Variants in QRICH1 observed in about 807,000 individuals in gnomAD.
The protein encoded by QRICH1 is glutamine rich 1.
A neutral mutation model predicts 87.1 loss-of-function variants in QRICH1; 16 were observed. That is an observed-to-expected ratio of 0.18 (90% confidence interval 0.12 to 0.28). QRICH1 has a LOEUF of 0.28. Among genes scored for constraint, QRICH1 ranks in the 10% least tolerant of loss-of-function variants. The probability of loss-of-function intolerance (pLI) is 1.00; values close to 1 mark genes in which losing one functional copy is unlikely to be tolerated. For synonymous variants in QRICH1, 367 were observed against 368.4 expected (o/e 1.00, Z 0.05); for missense variants, 647 against 951.7 (o/e 0.68, Z 4.21).
At chr3:49,063,718 G>A (rs1274673573) in intron 2 of QRICH1, among the ~76,000 whole-genome samples, 2 of 152,222 alleles carry the variant, frequency 1.3e-5, no homozygotes, top group African/African-American at 2.4e-5. Context: ...GAGCCCAGGA[G>A]ATTGAGGCTG....
chr3:49,087,818 CAAA>C lies in QRICH1; in HGVS notation c.-22+6091_-22+6093del, dbSNP rs58022360. Among the ~76,000 whole-genome samples, 22 of 47,682 alleles carry C rather than the reference CAAA, an allele frequency of 4.6e-4. No homozygotes were observed. In the East Asian group the frequency reaches 6.1e-3, roughly 13 times the overall value. The allele number at this position is 47,682 out of a possible 152,430, so 31.3% of individuals were successfully genotyped here. On this transcript the variant is annotated intron_variant, in intron 1 of 9. Coordinates refer to ENST00000395443, the MANE Select transcript of QRICH1 (RefSeq NM_198880.3). ...GAACTCAGGAGGCGGAGGTTCATCT[CAAA>C]AAAAAAAAAAAAAAAAAAGAACAAT...
intron 1 of QRICH1, chr3:49,093,444 G>T (rs760493149): frequency 4.6e-5 from 7 of 152,078 alleles, no homozygotes; most frequent in Non-Finnish European, 1.0e-4. Flanking sequence ...AGCCGCGGCC[G>T]GCCCTCTGCT....
chr3:49,075,487 C>T (rs758967039), intron 2 of QRICH1, among the ~76,000 whole-genome samples: 15 of 152,134 alleles, frequency 9.9e-5, no homozygotes, highest in Non-Finnish European at 1.9e-4. Flanking sequence ...AAAAATTAGC[C>T]GGGCGTGGTA....
intron 2 of QRICH1, among the ~76,000 whole-genome samples, chr3:49,073,233 T>C (rs1257360728): frequency 6.6e-6 from 1 of 152,124 alleles, no homozygotes; most frequent in Non-Finnish European, 1.5e-5. Flanking sequence ...GAGGAGCCTG[T>C]TATCTCACAT....
intron 2 of QRICH1, among the ~76,000 whole-genome samples, chr3:49,075,609 C>A (rs1416903462): frequency 6.6e-6 from 1 of 151,882 alleles, no homozygotes; most frequent in Non-Finnish European, 1.5e-5. Flanking sequence ...CTAGCCTGGA[C>A]AACAAGAGCG....
intron 1 of QRICH1, among the ~76,000 whole-genome samples, chr3:49,087,693 G>A (rs2042192013): frequency 6.6e-6 from 1 of 150,762 alleles, no homozygotes; most frequent in South Asian, 2.1e-4. Context: ...GGCCAACATG[G>A]TGAAACCCCA....
At chr3:49,038,481 C>T (rs532346916) in intron 6 of QRICH1, among the ~76,000 whole-genome samples, 1 of 151,388 alleles carries the variant, frequency 6.6e-6, no homozygotes, top group South Asian at 2.1e-4. Flanking sequence ...GGTGTGATCT[C>T]GGCTCACTGC....
At chr3:49,079,892 GGT>G (rs1216442952) in intron 1 of QRICH1, among the ~76,000 whole-genome samples, 1 of 152,126 alleles carries the variant, frequency 6.6e-6, no homozygotes, top group Non-Finnish European at 1.5e-5. Flanking sequence ...AGCCAGGCAT[GGT>G]GTCAGGCACC....
chr3:49,051,694 G>A (rs568911332), intron 3 of QRICH1, among the ~76,000 whole-genome samples: 2 of 147,698 alleles, frequency 1.4e-5, no homozygotes, highest in East Asian at 2.0e-4. Flanking sequence ...TAGCTTCCCT[G>A]CCCAGATCTA....
rs777515314 is a variant in QRICH1, at chr3:49,032,177, C to A, written c.2138+6G>T. ...ACATGGACAGCAAGTCACAATAAAG[C>A]CTCACCATTTGAAGAGGTAGAAATC... On this transcript the variant is annotated splice_donor_region_variant and intron_variant, in intron 9 of 9. Coordinates refer to ENST00000395443, the MANE Select transcript of QRICH1 (RefSeq NM_198880.3). 6 of 1,603,404 alleles carry A rather than the reference C, an allele frequency of 3.7e-6. No individual in the cohort carries two copies. In the East Asian group the frequency reaches 1.3e-4, roughly 36 times the overall value.
intron 8 of QRICH1, 60 bp downstream of exon 8, chr3:49,032,562 G>C (rs975111729): frequency 1.4e-5 from 20 of 1,480,010 alleles, no homozygotes; most frequent in Non-Finnish European, 1.7e-5. Flanking sequence ...ACAGGCACAA[G>C]GGCAGGACAG....
At chr3:49,045,366 ATAATG>A (rs1317579556) in intron 5 of QRICH1, among the ~76,000 whole-genome samples, 1 of 150,374 alleles carries the variant, frequency 6.7e-6, no homozygotes, top group Non-Finnish European at 1.5e-5. Flanking sequence ...GTAATTACCA[ATAATG>A]TAATAGAAGT....
At chr3:49,069,228 G>A (rs1006081732) in intron 2 of QRICH1, among the ~76,000 whole-genome samples, 2 of 150,248 alleles carry the variant, frequency 1.3e-5, no homozygotes, top group African/African-American at 2.4e-5. Context: ...TCAGCCTCCC[G>A]AGTAGCTGGG....
intron 6 of QRICH1, among the ~76,000 whole-genome samples, chr3:49,034,562 C>G (rs1361912767): frequency 1.3e-5 from 2 of 152,164 alleles, no homozygotes; most frequent in Non-Finnish European, 2.9e-5. Context: ...ACTCCTCCTG[C>G]CAGTTTCCTG....
intron 2 of QRICH1, among the ~76,000 whole-genome samples, chr3:49,074,922 T>G (rs960354053): frequency 2.0e-5 from 3 of 150,722 alleles, no homozygotes; most frequent in African/African-American, 7.3e-5. Flanking sequence ...GAGCTTGCAG[T>G]GAGCTGAGAT....
chr3:49,067,067 G>C (rs1396158745), intron 2 of QRICH1, among the ~76,000 whole-genome samples: 3 of 151,830 alleles, frequency 2.0e-5, no homozygotes, highest in Non-Finnish European at 4.4e-5. Flanking sequence ...ACTTATCAAT[G>C]CTCAAGCTTC....
At position 49,030,375 on chromosome 3, in the gene QRICH1, A is replaced by T; in HGVS notation, c.*77T>A. 7.3e-7 allele frequency: 1 copy of T among 1,364,534 alleles called. No homozygotes were observed. Among genetic ancestry groups the T allele is most frequent in the Non-Finnish European group, 1.0e-6 (1 of 993,222 alleles). The allele number at this position is 1,364,534 out of a possible 1,614,324, so 84.5% of individuals were successfully genotyped here. A position where few individuals can be genotyped will look rare whatever the true frequency, so the allele number is the denominator to read the frequency against. On this transcript the variant is annotated 3_prime_UTR_variant, in exon 10 of 10. Coordinates refer to ENST00000395443, the MANE Select transcript of QRICH1 (RefSeq NM_198880.3). ...ACCAATAAAAAAAAGAAAAAAAAAA[A>T]TGGAGGCCTCTTCTTTAGTGTGAAA...
intron 3 of QRICH1, among the ~76,000 whole-genome samples, chr3:49,056,073 T>C (rs1298427762): frequency 6.6e-6 from 1 of 152,134 alleles, no homozygotes; most frequent in African/African-American, 2.4e-5. Context: ...CCTCCTGGGT[T>C]CAAGTGATTC....
chr3:49,042,965 A>T (rs1270095747), intron 6 of QRICH1, among the ~76,000 whole-genome samples: 1 of 152,206 alleles, frequency 6.6e-6, no homozygotes, highest in Non-Finnish European at 1.5e-5. Context: ...CAGAATGTAC[A>T]ACAGATACAG....
Sources: gnomAD v4.1 joint callset for allele counts (sites outside exome capture counted in the v4.1 genomes callset) on GRCh38, gnomAD v4.1.1 for gene constraint, MANE v1.5 for transcripts, NCBI Gene and HGNC (gene_info 2026-07-23, HGNC 2026-07-21) for gene names.